The following DIAPH2 variants were observed in gnomAD, a reference collection of about 807,000 sequenced individuals.
DIAPH2 encodes diaphanous related formin 2.
DIAPH2 carries 35 observed loss-of-function variants against 92.7 expected under a neutral mutation model. The ratio of observed to expected loss-of-function variants is 0.38; its 90% CI spans 0.29 to 0.50. DIAPH2 has a LOEUF of 0.50. Among genes scored for constraint, DIAPH2 ranks in the 20% least tolerant of loss-of-function variants. The pLI, the probability that DIAPH2 is intolerant of heterozygous loss-of-function variation, is 0.94. For missense variants in DIAPH2, 701 were observed against 819.5 expected, an observed-to-expected ratio of 0.86 and a Z score of 1.77; for synonymous variants, 301 against 280.4, an observed-to-expected ratio of 1.07 and a Z score of -0.73.
intron 4 of DIAPH2, among the ~76,000 whole-genome samples, chrX:96,759,411 G>GCTT (rs1408297764): frequency 1.8e-5 from 2 of 111,457 alleles, no homozygotes; most frequent in Non-Finnish European, 3.8e-5. Context: ...TTTTAAATTT[G>GCTT]CTTCTGGTAT....
At chrX:96,705,059 C>A (rs2063877481) in intron 1 of DIAPH2, among the ~76,000 whole-genome samples, 1 of 106,214 alleles carries the variant, frequency 9.4e-6, no homozygotes, top group Admixed American at 1.0e-4. Flanking sequence ...CTACAACCTC[C>A]ACCTCCCAGG....
intron 5 of DIAPH2, among the ~76,000 whole-genome samples, chrX:96,899,806 A>G (rs746937794): frequency 4.9e-4 from 54 of 110,045 alleles, no homozygotes; most frequent in African/African-American, 1.6e-3. Context: ...GTCTTGTGCC[A>G]GTTTTCAAAG....
chrX:96,980,618 A>G (rs1299273611), intron 17 of DIAPH2, among the ~76,000 whole-genome samples: 1 of 110,757 alleles, frequency 9.0e-6, no homozygotes, highest in Non-Finnish European at 1.9e-5. Flanking sequence ...TTTTCTGCCT[A>G]GAGCTTATCT....
chrX:97,229,800 T>C (rs5921655), intron 22 of DIAPH2, among the ~76,000 whole-genome samples: 2,383 of 93,037 alleles, frequency 0.026, 29 homozygotes, highest in Middle Eastern at 0.041. Flanking sequence ...TATAATAAGA[T>C]ATAATATATT....
intron 17 of DIAPH2, among the ~76,000 whole-genome samples, chrX:96,987,075 C>A (rs771997060): frequency 9.0e-6 from 1 of 111,051 alleles, no homozygotes; most frequent in African/African-American, 3.3e-5. Context: ...AGAAAATAGT[C>A]CTTTTGCCTA....
chrX:97,002,467 A>G (rs1053374555), intron 17 of DIAPH2, among the ~76,000 whole-genome samples: 4 of 111,155 alleles, frequency 3.6e-5, no homozygotes, highest in African/African-American at 1.3e-4. Flanking sequence ...CTAAAGCAAG[A>G]CCATATTGAT....
At chrX:96,776,349 T>C (rs938544721) in intron 4 of DIAPH2, among the ~76,000 whole-genome samples, 9 of 110,067 alleles carry the variant, frequency 8.2e-5, no homozygotes, top group African/African-American at 2.6e-4. Context: ...TAGCTGGGAC[T>C]ACAGGTGTGC....
intron 4 of DIAPH2, among the ~76,000 whole-genome samples, chrX:96,846,470 T>G (rs2147707404): frequency 8.9e-6 from 1 of 112,329 alleles, no homozygotes. Flanking sequence ...TTAAATATTT[T>G]TATTTGAATA....
At chrX:97,294,287 C>G (rs756074333) in intron 23 of DIAPH2, among the ~76,000 whole-genome samples, 1 of 111,930 alleles carries the variant, frequency 8.9e-6, no homozygotes, top group East Asian at 2.8e-4. Context: ...TAAGCAAGAT[C>G]TCTATAAAGA....
At chrX:96,972,469 A>G (rs1275978698) in intron 17 of DIAPH2, among the ~76,000 whole-genome samples, 2 of 111,516 alleles carry the variant, frequency 1.8e-5, no homozygotes, top group African/African-American at 6.5e-5. Context: ...GAAAGAATGG[A>G]TGTCTTGTTT....
chrX:96,848,280 A>G (rs1029632084), intron 4 of DIAPH2, among the ~76,000 whole-genome samples: 13 of 111,511 alleles, frequency 1.2e-4, no homozygotes, highest in African/African-American at 4.2e-4. Flanking sequence ...GCTTCAAGCA[A>G]TCCTCCCGCC....
intron 19 of DIAPH2, among the ~76,000 whole-genome samples, chrX:97,091,054 T>C (rs1019710970): frequency 9.0e-6 from 1 of 111,436 alleles, no homozygotes; most frequent in Non-Finnish European, 1.9e-5. Context: ...TTGCCCAGGC[T>C]GGAGTGCAGT....
intron 22 of DIAPH2, among the ~76,000 whole-genome samples, chrX:97,241,848 T>C (rs983935075): frequency 1.1e-4 from 11 of 95,705 alleles, no homozygotes; most frequent in African/African-American, 4.4e-4. Flanking sequence ...CGATCTAGGC[T>C]CACTGCAACC....
intron 22 of DIAPH2, among the ~76,000 whole-genome samples, chrX:97,162,586 C>G (rs1817135134): frequency 9.0e-6 from 1 of 111,397 alleles, no homozygotes; most frequent in African/African-American, 3.3e-5. Flanking sequence ...CTCATTGCAG[C>G]CTTGACCTCC....
intron 26 of DIAPH2, among the ~76,000 whole-genome samples, chrX:97,587,884 A>G (rs1162031203): frequency 3.6e-5 from 4 of 112,073 alleles, no homozygotes; most frequent in African/African-American, 9.7e-5. Flanking sequence ...CTTTAATATT[A>G]TTTTTATGTT....
At chrX:97,026,599 G>C (rs1009085211) in intron 17 of DIAPH2, among the ~76,000 whole-genome samples, 3 of 111,795 alleles carry the variant, frequency 2.7e-5, no homozygotes, top group African/African-American at 9.8e-5. Context: ...ACTGCAGGTG[G>C]CTCTCTTGAT....
intron 25 of DIAPH2, among the ~76,000 whole-genome samples, chrX:97,396,440 G>C (rs778368823): frequency 1.8e-5 from 2 of 110,841 alleles, no homozygotes; most frequent in Non-Finnish European, 3.8e-5. Context: ...GGGAGGCTGA[G>C]GCGGGCAGAT....
At chrX:96,884,269 G>A (rs183708643) in intron 5 of DIAPH2, 2 of 1,156,976 alleles carry the variant, frequency 1.7e-6, no homozygotes, top group Non-Finnish European at 2.3e-6. Context: ...AGCCCCAGAC[G>A]AGCCAAAGCC....
chrX:97,516,577 T>C (rs1373624187), intron 26 of DIAPH2, among the ~76,000 whole-genome samples: 2 of 112,075 alleles, frequency 1.8e-5, no homozygotes, highest in Non-Finnish European at 3.8e-5. Context: ...ACAAGATCAC[T>C]ATAGTTTGTG....
Sources: allele counts gnomAD v4.1 joint callset (sites outside exome capture counted in the v4.1 genomes callset), GRCh38; gene constraint gnomAD v4.1.1; transcripts MANE v1.5; gene names NCBI Gene and HGNC (gene_info 2026-07-23, HGNC 2026-07-21).